Variants in TECPR2 observed in about 807,000 individuals in gnomAD.
TECPR2 encodes tectonin beta-propeller repeat containing 2.
Under a neutral mutation model 138.1 loss-of-function variants are expected in TECPR2, and 65 were observed. The ratio of observed to expected loss-of-function variants is 0.47; its 90% CI spans 0.39 to 0.58. TECPR2 has a LOEUF of 0.58. Among genes scored for constraint, TECPR2 ranks in the 20% least tolerant of loss-of-function variants. TECPR2 has a pLI of 0.00. For synonymous variants in TECPR2, 746 were observed against 749.8 expected, an observed-to-expected ratio of 0.99 and a Z score of 0.08; for missense variants, 1,553 against 1,824.5, an observed-to-expected ratio of 0.85 and a Z score of 2.71.
At chr14:102,421,481 G>T (rs1243363107) in intron 5 of TECPR2, among the ~76,000 whole-genome samples, 1 of 152,188 alleles carries the variant, frequency 6.6e-6, no homozygotes, top group Non-Finnish European at 1.5e-5. Flanking sequence ...GTGAGATTCT[G>T]GTGTGCGAAG....
At chr14:102,456,650 C>T (rs1033599712) in intron 16 of TECPR2, among the ~76,000 whole-genome samples, 2 of 148,892 alleles carry the variant, frequency 1.3e-5, no homozygotes, top group African/African-American at 2.5e-5. Context: ...AGTGCAGTGG[C>T]GCAATCTCGG....
intron 6 of TECPR2, among the ~76,000 whole-genome samples, chr14:102,425,724 T>TGC: frequency 6.7e-6 from 1 of 148,860 alleles, no homozygotes; most frequent in Non-Finnish European, 1.5e-5. Flanking sequence ...TACAGACGCA[T>TGC]GCCACCACGC....
At chr14:102,459,931 T>C (rs768825968) in intron 16 of TECPR2, among the ~76,000 whole-genome samples, 21 of 152,132 alleles carry the variant, frequency 1.4e-4, no homozygotes, top group Admixed American at 3.3e-4. Context: ...ACTAACTCAT[T>C]GTTAGGTCAG....
Position 102,420,512 on chromosome 14 carries a change from A to G in TECPR2, c.639-4467A>G, listed in dbSNP as rs1175097660. Among the ~76,000 whole-genome samples the G allele has an allele frequency of 6.6e-6, 1 of 152,072 alleles. No homozygotes were observed. Among genetic ancestry groups the G allele is most frequent in the African/African-American group, 2.4e-5 (1 of 41,390 alleles). On this transcript the variant is annotated intron_variant, in intron 5 of 19. Transcript: ENST00000359520. This position sits in a 1 kb window ranked among gnomAD's most constrained non-coding sequence, Gnocchi z 4.1. ...TTTAGAGACAGGGTCTTGCTGTGTCACCAAGGCTGGGGTGCAGTGGTGTGA... is the reference window on the plus strand; with the variant it reads ...TTTAGAGACAGGGTCTTGCTGTGTCGCCAAGGCTGGGGTGCAGTGGTGTGA...
In TECPR2 at chr14:102,452,479, G is replaced by T; in HGVS notation, c.3492G>T (p.Gln1164His). ...QSAQSRPSTV[Q>H]LPPEAEMRAY... is the part of the protein sequence containing the mutation. ...CACAGTCGCGGCCCTCCACGGTGCA[G>T]CTGCCTCCCGAAGCCGAGATGCGCG... The change falls in exon 16 of 20, where the codon CAG (glutamine) becomes CAT (histidine). Residue 1164 changes from glutamine to histidine, a missense_variant. Transcript: ENST00000359520. 1.2e-6 allele frequency: 2 copies of T among 1,613,500 alleles called. No individual in the cohort carries two copies. Among genetic ancestry groups the T allele is most frequent in the East Asian group, 4.5e-5 (2 of 44,882 alleles).
chr14:102,446,089 C>G, intron 13 of TECPR2, 142 bp downstream of exon 13: 2 of 1,143,528 alleles, frequency 1.7e-6, no homozygotes, highest in Non-Finnish European at 2.4e-6. Context: ...TGTTTTGAAA[C>G]AAGATCTCCT....
chr14:102,459,471 G>T (rs141494809), intron 16 of TECPR2, among the ~76,000 whole-genome samples: 1 of 152,176 alleles, frequency 6.6e-6, no homozygotes, highest in Non-Finnish European at 1.5e-5. Context: ...GCATGAGGCA[G>T]AAGATGTTAG....
Position 102,435,184 on chromosome 14 carries a change from G to C in TECPR2, c.2367G>C (p.Glu789Asp). Residue 789 changes from glutamate (E) to aspartate (D), a missense_variant, in exon 9 of 20, where the codon GAG (glutamate) becomes GAC (aspartate). By Grantham distance (45) the Glu-to-Asp change is conservative. Transcript: ENST00000359520. Reference protein sequence around the residue: ...SQQDLSRLGAEDAGLLKPDQF... With the variant: ...SQQDLSRLGADDAGLLKPDQF... ...AGGACCTGAGCCGGCTGGGTGCAGA[G>C]GACGCCGGGCTGCTCAAGCCAGATC... The C allele has an allele frequency of 1.9e-6, 3 of 1,612,202 alleles. No homozygotes were observed. The highest frequency in any genetic ancestry group is 2.5e-6 in the Non-Finnish European group (3 of 1,179,756).
At chr14:102,481,103 C>T (rs774979233) in intron 17 of TECPR2, among the ~76,000 whole-genome samples, 22 of 151,486 alleles carry the variant, frequency 1.5e-4, no homozygotes, top group Non-Finnish European at 2.5e-4. Context: ...ACCTCTGCCT[C>T]CTGGGTTCAA....
At chr14:102,394,507 G>A (rs1225160434) in intron 2 of TECPR2, among the ~76,000 whole-genome samples, 2 of 152,146 alleles carry the variant, frequency 1.3e-5, no homozygotes, top group Non-Finnish European at 2.9e-5. Context: ...AGGGGCTGAG[G>A]TGGGAGGATC....
chr14:102,490,964 A>G (rs990017745), intron 17 of TECPR2, among the ~76,000 whole-genome samples: 10 of 151,786 alleles, frequency 6.6e-5, no homozygotes, highest in Non-Finnish European at 1.5e-4. Context: ...TCACGATCTC[A>G]GCTCTCTGCA....
chr14:102,401,449 A>C (rs1041824834), intron 2 of TECPR2, among the ~76,000 whole-genome samples: 10 of 151,336 alleles, frequency 6.6e-5, no homozygotes, highest in South Asian at 6.3e-4. Flanking sequence ...CAAAAAAAAA[A>C]AAAAAAACAA....
Position 102,376,892 on chromosome 14 carries a change from CTATCTG to C in TECPR2, c.174_179del (p.Leu59_Tyr60del). ...CGGTGGGCAGCAGCATCGGCATGCT[CTATCTG>C]TACTGCCGGCACCTCAACCAGATGA... On this transcript the variant is annotated inframe_deletion, in exon 2 of 20. Transcript: ENST00000359520. 6.2e-7 allele frequency: 1 copy of C among 1,614,172 alleles called. No individual in the cohort carries two copies. The highest frequency in any genetic ancestry group is 1.3e-5 in the African/African-American group (1 of 75,046).
intron 7 of TECPR2, among the ~76,000 whole-genome samples, chr14:102,428,647 A>T (rs942819567): frequency 2.3e-4 from 35 of 151,992 alleles, no homozygotes; most frequent in Non-Finnish European, 4.6e-4. Flanking sequence ...CTGTGGTCTC[A>T]AGTACTCGGG....
Position 102,420,620 on chromosome 14 carries a change from G to A in TECPR2, c.639-4359G>A, listed in dbSNP as rs1031721003. Among the ~76,000 whole-genome samples, 2 of 152,046 alleles carry A rather than the reference G, an allele frequency of 1.3e-5. No homozygotes were observed. The highest frequency in any genetic ancestry group is 2.1e-4 in the South Asian group (1 of 4,826). On this transcript the variant is annotated intron_variant, in intron 5 of 19. Transcript: ENST00000359520. The surrounding 1 kb of genome is among the most constrained non-coding windows in gnomAD (Gnocchi z 4.1). ...CCCGAGTAACTAGGACTACAGGCAC[G>A]CACCACCATGCCTGGCTAAATTTTT...
intron 17 of TECPR2, among the ~76,000 whole-genome samples, chr14:102,488,123 C>T (rs900286794): frequency 4.6e-5 from 7 of 151,980 alleles, no homozygotes; most frequent in African/African-American, 1.2e-4. Flanking sequence ...GGATTACAGG[C>T]GTGAGCCACC....
At position 102,363,012 on chromosome 14, in the gene TECPR2, C is replaced by A; in HGVS notation, c.-177C>A. On this transcript the variant is annotated 5_prime_UTR_variant, in exon 1 of 20. Coordinates refer to ENST00000359520, the MANE Select transcript of TECPR2 (RefSeq NM_014844.5). ...CTTCGGTGCTGGCCCCGGTGCCGGC[C>A]CCGTTGCCCAGGGAACAGGCTCCCG... The A allele has an allele frequency of 1.1e-6, 1 of 946,746 alleles. No homozygotes were observed. Among genetic ancestry groups the A allele is most frequent in the African/African-American group, 1.6e-5 (1 of 60,678 alleles). 58.6% of individuals were successfully genotyped at this position (946,746 alleles called of 1,614,324 possible). A position where few individuals can be genotyped will look rare whatever the true frequency, so the allele number is the denominator to read the frequency against.
chr14:102,452,143 C>T (rs1162078309), intron 15 of TECPR2, among the ~76,000 whole-genome samples: 1 of 152,256 alleles, frequency 6.6e-6, no homozygotes, highest in Non-Finnish European at 1.5e-5. Flanking sequence ...ATAAAATCTC[C>T]TAAGCCTTGC....
chr14:102,432,298 T>TACACACACACAC (rs10650505), intron 8 of TECPR2, among the ~76,000 whole-genome samples, 170 bp downstream of exon 8: 28 of 148,804 alleles, frequency 1.9e-4, no homozygotes, highest in Non-Finnish European at 3.1e-4. Flanking sequence ...TAACGGAAAA[T>TACACACACACAC]ACACACACAC....
Sources: gnomAD v4.1 joint callset for allele counts (sites outside exome capture counted in the v4.1 genomes callset) on GRCh38, gnomAD v4.1.1 for gene constraint, Gnocchi (gnomAD v3.1) non-coding constraint, MANE v1.5 for transcripts, NCBI Gene and HGNC (gene_info 2026-07-23, HGNC 2026-07-21) for gene names.